Variants in ELAVL2 observed in about 807,000 individuals in gnomAD.
ELAVL2 encodes ELAV-like protein 2.
ELAVL2 carries 4 observed loss-of-function variants against 34.6 expected under a neutral mutation model. The ratio of observed to expected loss-of-function variants is 0.12; its 90% CI spans 0.06 to 0.26. ELAVL2 has a LOEUF of 0.26. Among genes scored for constraint, ELAVL2 ranks in the 10% least tolerant of loss-of-function variants. The probability of loss-of-function intolerance (pLI) is 1.00; values close to 1 mark genes in which losing one functional copy is unlikely to be tolerated. For synonymous variants in ELAVL2, 193 were observed against 154.8 expected (o/e 1.25, Z -1.83); for missense variants, 432 against 442.8 (o/e 0.98, Z 0.22).
intron 1 of ELAVL2, among the ~76,000 whole-genome samples, chr9:23,771,538 A>T (rs1458399706): frequency 6.6e-6 from 1 of 152,162 alleles, no homozygotes; most frequent in Non-Finnish European, 1.5e-5. Flanking sequence ...TTCACTTTAT[A>T]TTTGCTACTA....
chr9:23,809,330 C>T (rs2062663863), intron 1 of ELAVL2, among the ~76,000 whole-genome samples: 1 of 152,106 alleles, frequency 6.6e-6, no homozygotes, highest in African/African-American at 2.4e-5. Context: ...AATCAGAGAA[C>T]ATGTTGGCAT....
intron 1 of ELAVL2, among the ~76,000 whole-genome samples, chr9:23,779,060 G>C (rs922516458): frequency 6.6e-6 from 1 of 152,264 alleles, no homozygotes; most frequent in East Asian, 1.9e-4. Flanking sequence ...GCAGTGAGTA[G>C]GGCAGCACAC....
intron 2 of ELAVL2, among the ~76,000 whole-genome samples, chr9:23,740,004 C>CT (rs1257480887): frequency 6.6e-6 from 1 of 152,104 alleles, no homozygotes; most frequent in African/African-American, 2.4e-5. Flanking sequence ...AAATTAGACT[C>CT]TAACAAACTC....
the ELAVL2 span, among the ~76,000 whole-genome samples, chr9:23,845,487 G>T: frequency 6.6e-6 from 1 of 151,446 alleles, no homozygotes; most frequent in Non-Finnish European, 1.5e-5. Flanking sequence ...AAAATTCAGG[G>T]GTTTTTCCAA....
chr9:23,803,376 G>A (rs758786320), intron 1 of ELAVL2, among the ~76,000 whole-genome samples: 14 of 152,142 alleles, frequency 9.2e-5, no homozygotes, highest in Non-Finnish European at 1.8e-4. Flanking sequence ...TTAGAAAAAT[G>A]CTTGAGTATC....
At chr9:23,747,691 T>TA (rs2050844490) in intron 2 of ELAVL2, among the ~76,000 whole-genome samples, 1 of 152,176 alleles carries the variant, frequency 6.6e-6, no homozygotes, top group African/African-American at 2.4e-5. Flanking sequence ...AAGCTTGCAT[T>TA]AAGACTTACC....
chr9:23,724,591 TAAC>T (rs2044599425), intron 3 of ELAVL2, among the ~76,000 whole-genome samples: 1 of 152,138 alleles, frequency 6.6e-6, no homozygotes, highest in African/African-American at 2.4e-5. Flanking sequence ...ATTATACAAA[TAAC>T]AATAAAAAAG....
chr9:23,766,006 T>G (rs2056172145), intron 1 of ELAVL2, among the ~76,000 whole-genome samples: 1 of 152,190 alleles, frequency 6.6e-6, no homozygotes. Context: ...ATGCAGATGC[T>G]TCAAATGGTC....
At chr9:23,756,168 T>TA (rs2053515121) in intron 2 of ELAVL2, among the ~76,000 whole-genome samples, 1 of 152,108 alleles carries the variant, frequency 6.6e-6, no homozygotes, top group Admixed American at 6.6e-5. Context: ...AAACTAGCTG[T>TA]AAAATTCTCA....
chr9:23,779,228 A>C (rs1389266925), intron 1 of ELAVL2: 2 of 985,326 alleles, frequency 2.0e-6, no homozygotes, highest in African/African-American at 3.5e-5. Flanking sequence ...GGTAAATAAG[A>C]GGTCTTACTT....
At chr9:23,780,016 A>C (rs2058836765) in intron 1 of ELAVL2, among the ~76,000 whole-genome samples, 1 of 96,498 alleles carries the variant, frequency 1.0e-5, no homozygotes, top group African/African-American at 4.8e-5. Context: ...AAAAAAAAAA[A>C]AAAAAAAAAA....
chr9:23,741,799 G>T (rs138217303), intron 2 of ELAVL2, among the ~76,000 whole-genome samples: 1 of 151,988 alleles, frequency 6.6e-6, no homozygotes, highest in African/African-American at 2.4e-5. Context: ...AAAGCCCTAC[G>T]GTAAATTTTT....
chr9:23,778,040 A>C (rs1480464574), intron 1 of ELAVL2, among the ~76,000 whole-genome samples: 3 of 152,216 alleles, frequency 2.0e-5, no homozygotes, highest in Non-Finnish European at 4.4e-5. Flanking sequence ...ATGGTGAACA[A>C]AACCCCCCAG....
chr9:23,695,204 C>T (rs968930985), intron 5 of ELAVL2, among the ~76,000 whole-genome samples: 1 of 152,128 alleles, frequency 6.6e-6, no homozygotes, highest in Non-Finnish European at 1.5e-5. Flanking sequence ...AGTAACAATA[C>T]AATTTTATCA....
the ELAVL2 span, among the ~76,000 whole-genome samples, chr9:23,833,350 T>A: frequency 1.3e-5 from 2 of 151,842 alleles, no homozygotes; most frequent in Non-Finnish European, 2.9e-5. Context: ...AATAAGCCCC[T>A]TAAGCTATGA....
At chr9:23,694,963 G>C (rs1266592111) in intron 5 of ELAVL2, among the ~76,000 whole-genome samples, 1 of 152,112 alleles carries the variant, frequency 6.6e-6, no homozygotes, top group East Asian at 1.9e-4. Context: ...ATAAATATGT[G>C]ATGACCAAAT....
chr9:23,756,155 T>A (rs964014636), intron 2 of ELAVL2, among the ~76,000 whole-genome samples: 2 of 152,016 alleles, frequency 1.3e-5, no homozygotes, highest in Non-Finnish European at 2.9e-5. Context: ...TAAAGAAGGA[T>A]CAAAACTAGC....
At chr9:23,695,202 T>C (rs1440327643) in intron 5 of ELAVL2, among the ~76,000 whole-genome samples, 1 of 152,146 alleles carries the variant, frequency 6.6e-6, no homozygotes, top group African/African-American at 2.4e-5. Flanking sequence ...AAAGTAACAA[T>C]ACAATTTTAT....
At chr9:23,753,680 T>C (rs565655947) in intron 2 of ELAVL2, among the ~76,000 whole-genome samples, 2 of 152,270 alleles carry the variant, frequency 1.3e-5, no homozygotes, top group Non-Finnish European at 2.9e-5. Flanking sequence ...ATCTTCCTCA[T>C]CGACATTTTC....
Sources: allele counts gnomAD v4.1 joint callset (sites outside exome capture counted in the v4.1 genomes callset), GRCh38; gene constraint gnomAD v4.1.1; transcripts MANE v1.5; gene names NCBI Gene and HGNC (gene_info 2026-07-23, HGNC 2026-07-21).